BAZ1A: variants seen among roughly 807,000 people sequenced by gnomAD.
The protein encoded by BAZ1A is bromodomain adjacent to zinc finger domain protein 1A.
BAZ1A carries 50 observed loss-of-function variants against 185.2 expected under a neutral mutation model. The ratio of observed to expected loss-of-function variants is 0.27; its 90% CI spans 0.22 to 0.34. The LOEUF (loss-of-function observed/expected upper bound fraction) is 0.34, where lower values mean the gene tolerates loss of function less well. Ranked by LOEUF, BAZ1A falls within the 10% of genes least tolerant of loss-of-function variation. The pLI, the probability that BAZ1A is intolerant of heterozygous loss-of-function variation, is 1.00. For synonymous variants in BAZ1A, 571 were observed against 615.6 expected (o/e 0.93, Z 1.07); for missense variants, 1,356 against 1,839.9 (o/e 0.74, Z 4.81).
chr14:34,800,101 T>C (rs1472080553), intron 9 of BAZ1A, 123 bp downstream of exon 9: 1 of 1,020,558 alleles, frequency 9.8e-7, no homozygotes, highest in Non-Finnish European at 1.3e-6. Context: ...CAATCAACTT[T>C]CTATGCACAT....
At chr14:34,818,160 A>G (rs965840350) in intron 4 of BAZ1A, among the ~76,000 whole-genome samples, 1 of 152,242 alleles carries the variant, frequency 6.6e-6, no homozygotes, top group African/African-American at 2.4e-5. Flanking sequence ...AGCCATAAAA[A>G]GGAATAAAGT....
At chr14:34,804,979 C>G (rs1217976069) in intron 6 of BAZ1A, among the ~76,000 whole-genome samples, 1 of 152,058 alleles carries the variant, frequency 6.6e-6, no homozygotes, top group Non-Finnish European at 1.5e-5. Flanking sequence ...ATTGTACTCC[C>G]CAGTGTTAAA....
intron 2 of BAZ1A, among the ~76,000 whole-genome samples, chr14:34,868,224 C>T (rs2042893043): frequency 6.6e-6 from 1 of 152,130 alleles, no homozygotes; most frequent in African/African-American, 2.4e-5. Flanking sequence ...TACATTTGCA[C>T]AGTTGGATAG....
intron 20 of BAZ1A, 64 bp downstream of exon 20, chr14:34,773,503 CAAAAA>C (rs10713079): frequency 2.6e-6 from 3 of 1,148,868 alleles, no homozygotes; most frequent in East Asian, 2.8e-5. Context: ...ACTTAAAAAC[CAAAAA>C]AAAAAAAAAA....
intron 3 of BAZ1A, among the ~76,000 whole-genome samples, chr14:34,847,381 A>AG (rs200802844): frequency 5.3e-5 from 8 of 152,214 alleles, no homozygotes; most frequent in Admixed American, 2.0e-4. Flanking sequence ...AGCAGGATTG[A>AG]GAAAAAAAAA....
chr14:34,826,148 C>T lies in BAZ1A; in HGVS notation c.401G>A (p.Cys134Tyr). ...TGGAGGGAGGACTTCCAAAATCCTACACTGCAACCTGAAATAAAATGATAC... is the reference window on the plus strand; with the variant it reads ...TGGAGGGAGGACTTCCAAAATCCTATACTGCAACCTGAAATAAAATGATAC... ...VIRNNGARLQ[C>Y]RILEVLPPSH... The change falls in exon 4 of 27, where the codon TGT (cysteine) becomes TAT (tyrosine). Residue 134 changes from cysteine (C) to tyrosine (Y), a missense_variant. Transcript: ENST00000360310. The T allele has an allele frequency of 6.2e-7, 1 of 1,609,808 alleles. No individual in the cohort carries two copies. Among genetic ancestry groups the T allele is most frequent in the Non-Finnish European group, 8.5e-7 (1 of 1,178,896 alleles).
chr14:34,775,986 C>T lies in BAZ1A; in HGVS notation c.2766G>A (p.Leu922=). The T allele has an allele frequency of 1.2e-6, 2 of 1,613,724 alleles. No homozygotes were observed. The highest frequency in any genetic ancestry group is 1.7e-6 in the Non-Finnish European group (2 of 1,179,684). ...CACATATTCTGCTTTTCTCTTGTAA[C>T]AAAGTTTCTTTTAAGGCACTTTCTC... The part of the protein sequence containing the change: ...GHRESALKET[L]LQEKSRICAQ... The change falls in exon 18 of 27, where the codon TTG becomes TTA. Residue 922 remains leucine (L), a synonymous_variant. Coordinates refer to ENST00000360310, the MANE Select transcript of BAZ1A (RefSeq NM_013448.3).
intron 9 of BAZ1A, among the ~76,000 whole-genome samples, chr14:34,797,709 G>A (rs990127161): frequency 6.6e-6 from 1 of 152,168 alleles, no homozygotes; most frequent in Non-Finnish European, 1.5e-5. Context: ...GTTCCAAGAC[G>A]GCCGGTCCAG....
chr14:34,833,884 TA>T (rs59279643), intron 3 of BAZ1A, among the ~76,000 whole-genome samples: 49 of 151,806 alleles, frequency 3.2e-4, no homozygotes, highest in African/African-American at 7.5e-4. Context: ...TTTACTAAAA[TA>T]AAAAAAACAA....
At chr14:34,769,795 T>C (rs1484180362) in intron 21 of BAZ1A, among the ~76,000 whole-genome samples, 1 of 152,224 alleles carries the variant, frequency 6.6e-6, no homozygotes, top group African/African-American at 2.4e-5. Context: ...TAATTGTGTA[T>C]TAATATGTGG....
chr14:34,865,713 A>C (rs761850961), intron 2 of BAZ1A, among the ~76,000 whole-genome samples: 1 of 152,220 alleles, frequency 6.6e-6, no homozygotes, highest in Non-Finnish European at 1.5e-5. Context: ...TTTTGAACTA[A>C]AGTTTAGTTC....
In BAZ1A at chr14:34,820,759, A is replaced by AT. The variant is rs34236726; in HGVS notation, c.536+5253dup. 7.3e-5 allele frequency among the ~76,000 whole-genome samples: 11 copies of AT among 150,318 alleles called. No homozygotes were observed. In the East Asian group the frequency reaches 1.2e-3, roughly 16 times the overall value. ...TAAAAAGTATAAAGTCTATGTCTAG[A>AT]TTTTTTTTTTTTACATGTAGATATC... On this transcript the variant is annotated intron_variant, in intron 4 of 26. Transcript: ENST00000360310.
At chr14:34,759,185 T>TTTTTTTTTTTG (rs1886411935) in intron 24 of BAZ1A, among the ~76,000 whole-genome samples, 1 of 116,862 alleles carries the variant, frequency 8.6e-6, no homozygotes, top group Non-Finnish European at 1.8e-5. Context: ...TTTTTTTTTT[T>TTTTTTTTTTTG]TTTTTTTTTT....
At chr14:34,764,253 C>A (rs1047049051) in intron 23 of BAZ1A, among the ~76,000 whole-genome samples, 17 of 149,816 alleles carry the variant, frequency 1.1e-4, no homozygotes, top group African/African-American at 3.7e-4. Flanking sequence ...GCAAGGGTAA[C>A]TTCAGGCCAC....
chr14:34,798,207 C>A (rs561606050), intron 9 of BAZ1A, among the ~76,000 whole-genome samples: 1 of 152,368 alleles, frequency 6.6e-6, no homozygotes, highest in Non-Finnish European at 1.5e-5. Context: ...TCAAACTGGG[C>A]GGAGCCCACC....
At chr14:34,790,182 T>TC (rs1880750054) in intron 12 of BAZ1A, among the ~76,000 whole-genome samples, 3 of 146,656 alleles carry the variant, frequency 2.0e-5, no homozygotes, top group South Asian at 4.3e-4. Context: ...TTTTTTTTTT[T>TC]CCCTTTGAAA....
intron 25 of BAZ1A, among the ~76,000 whole-genome samples, chr14:34,755,825 T>C (rs1046468624): frequency 2.0e-5 from 3 of 151,398 alleles, no homozygotes; most frequent in African/African-American, 7.3e-5. Context: ...TTTTTTTTTT[T>C]TCCTTTTCCT....
chr14:34,780,049 G>A (rs529067767), intron 17 of BAZ1A, 137 bp downstream of exon 17: 1 of 1,074,744 alleles, frequency 9.3e-7, no homozygotes, highest in African/African-American at 1.6e-5. Flanking sequence ...GCTATGAGGT[G>A]GGCATTTAAA....
chr14:34,804,224 T>C (rs1881732043), intron 6 of BAZ1A, among the ~76,000 whole-genome samples: 1 of 152,196 alleles, frequency 6.6e-6, no homozygotes, highest in South Asian at 2.1e-4. Context: ...GCCAGGCTGG[T>C]CTCGAACTCC....
Sources: gnomAD v4.1 joint callset for allele counts (sites outside exome capture counted in the v4.1 genomes callset) on GRCh38, gnomAD v4.1.1 for gene constraint, MANE v1.5 for transcripts, NCBI Gene and HGNC (gene_info 2026-07-23, HGNC 2026-07-21) for gene names.